The following NAE1 variants were observed in gnomAD, a reference collection of about 807,000 sequenced individuals.
NAE1 encodes NEDD8 activating enzyme E1 subunit 1, also known as NEDD8-activating enzyme E1 regulatory subunit.
A neutral mutation model predicts 88.0 loss-of-function variants in NAE1; 59 were observed. That is an observed-to-expected ratio of 0.67 (90% confidence interval 0.54 to 0.83). The LOEUF (loss-of-function observed/expected upper bound fraction) is 0.83. Among genes scored for constraint, NAE1 ranks in the 40% least tolerant of loss-of-function variants. NAE1 has a pLI of 0.00. For missense variants in NAE1, 554 were observed against 632.8 expected (o/e 0.88, Z 1.34); for synonymous variants, 186 against 208.9 (o/e 0.89, Z 0.95).
chr16:66,807,882 T>C (rs1006334945), intron 17 of NAE1, among the ~76,000 whole-genome samples: 1 of 152,054 alleles, frequency 6.6e-6, no homozygotes, highest in Non-Finnish European at 1.5e-5. Context: ...TCTTCAGAGT[T>C]ATTGAGTTCA....
In NAE1 at chr16:66,823,523, A is replaced by G. The variant is rs746223773; in HGVS notation, c.321+6T>C. On this transcript the variant is annotated splice_donor_region_variant and intron_variant, in intron 5 of 19. Transcript: ENST00000290810. ...CACAGACATAATAATGTGTGTACAT[A>G]TATACCTCTTCCACAAAACTTCCAG... 1.2e-6 allele frequency: 2 copies of G among 1,607,426 alleles called. No individual in the cohort carries two copies. The highest frequency in any genetic ancestry group is 1.1e-5 in the South Asian group (1 of 90,102).
At chr16:66,818,426 G>A (rs184228748) in intron 8 of NAE1, 102 bp downstream of exon 8, 92 of 788,982 alleles carry the variant, frequency 1.2e-4, no homozygotes, top group African/African-American at 2.5e-4. Flanking sequence ...ACAGGAATAT[G>A]GAAGTTTATA....
rs1960478476 is a variant in NAE1 at position 66,826,737 on chromosome 16, CAT to C, written c.95_96del (p.His32ArgfsTer12). The C allele has an allele frequency of 6.2e-7, 1 of 1,614,078 alleles. No homozygotes were observed. ...DHGQEALESAHVCLINATATG... is the reference protein window; with the variant it reads ...DHGQEALESAXVCLINATATG... ...GTGGCTGTTGCATTTATTAGGCAAA[CAT>C]GAGCAGATTCTAAAGCCTCTTGCCC... On this transcript the variant is annotated frameshift_variant, in exon 2 of 20. Transcript: ENST00000290810. LOFTEE classifies it high-confidence loss of function.
At chr16:66,824,296 T>G (rs565979670) in intron 4 of NAE1, among the ~76,000 whole-genome samples, 1 of 152,140 alleles carries the variant, frequency 6.6e-6, no homozygotes, top group Non-Finnish European at 1.5e-5. Flanking sequence ...TAACATGGTT[T>G]TGTAAGATTT....
intron 6 of NAE1, among the ~76,000 whole-genome samples, chr16:66,822,338 A>G (rs780449650): frequency 1.3e-5 from 2 of 152,198 alleles, no homozygotes; most frequent in Non-Finnish European, 2.9e-5. Context: ...TGGGTGGCTG[A>G]GGCAGGCAGA....
rs1597038627 is a variant in NAE1, at chr16:66,809,081, C to T, written c.1151-6G>A. 1.2e-6 allele frequency: 2 copies of T among 1,603,122 alleles called. No homozygotes were observed. The highest frequency in any genetic ancestry group is 2.2e-5 in the South Asian group (2 of 89,918). On this transcript the variant is annotated splice_polypyrimidine_tract_variant and splice_region_variant and intron_variant, in intron 15 of 19. Transcript: ENST00000290810. ...AAGAAATGCAGAATTGCTGCCTGAA[C>T]AGAGGAAAGATATTCTGGAAGTAAT...
chr16:66,816,770 A>T lies in NAE1; in HGVS notation c.749-98T>A, dbSNP rs1960058891. The T allele has an allele frequency of 1.0e-5, 13 of 1,282,074 alleles. No homozygotes were observed. In the South Asian group the frequency reaches 1.8e-4, roughly 18 times the overall value. 79.4% of individuals were successfully genotyped at this position (1,282,074 alleles called of 1,614,324 possible). ...CCTTGTCAGATCCTGCAGAATATTAAATCTTAAGAAGAAATACGGCTTATC... is the reference window on the plus strand; with the variant it reads ...CCTTGTCAGATCCTGCAGAATATTATATCTTAAGAAGAAATACGGCTTATC... On this transcript the variant is annotated intron_variant, in intron 10 of 19. Transcript: ENST00000290810.
In NAE1 at chr16:66,830,927, C is replaced by G. The variant is rs1176720271; in HGVS notation, c.-28G>C. On this transcript the variant is annotated 5_prime_UTR_variant, in exon 1 of 20. Coordinates refer to ENST00000290810, the MANE Select transcript of NAE1 (RefSeq NM_003905.4). ...CCGCGCCTGCCGCGCGGAAAACAGC[C>G]GAGCCCCTGCGGAGCGCCGCCACCA... is the stretch of plus-strand genomic sequence containing the variant. 5 of 1,512,406 alleles carry G rather than the reference C, an allele frequency of 3.3e-6. No homozygotes were observed. Among genetic ancestry groups the G allele is most frequent in the African/African-American group, 1.4e-5 (1 of 69,180 alleles). 93.7% of individuals were successfully genotyped at this position (1,512,406 alleles called of 1,614,324 possible). A position where few individuals can be genotyped will look rare whatever the true frequency, so the allele number is the denominator to read the frequency against.
chr16:66,813,194 G>A (rs1959889207), intron 13 of NAE1: 1 of 167,272 alleles, frequency 6.0e-6, no homozygotes, highest in Admixed American at 6.1e-5. Flanking sequence ...CCAGGCTGAA[G>A]TGAAGTGGCA....
intron 13 of NAE1, among the ~76,000 whole-genome samples, chr16:66,812,825 CTT>C (rs78456292): frequency 2.6e-4 from 31 of 119,732 alleles, no homozygotes; most frequent in Admixed American, 3.4e-4. Context: ...GGCCTAAGTT[CTT>C]TTTTTTTTTT....
rs758313363 is a variant in NAE1 at position 66,813,804 on chromosome 16, T to C, written c.883A>G (p.Ile295Val). ...GTTGTTACCTGTTTGGTGATATTTA[T>C]GCAGCGATCATCATTAAATATATCT... Reference protein sequence around the residue: ...IEDIFNDDRCINITKQTPSFW... With the variant: ...IEDIFNDDRCVNITKQTPSFW... Residue 295 changes from isoleucine to valine, a missense_variant, in exon 12 of 20, where the codon ATA becomes GTA. Coordinates refer to ENST00000290810, the MANE Select transcript of NAE1 (RefSeq NM_003905.4). 6.2e-7 allele frequency: 1 copy of C among 1,613,964 alleles called. No homozygotes were observed. The highest frequency in any genetic ancestry group is 1.7e-5 in the Admixed American group (1 of 60,022).
At chr16:66,817,528 G>A in intron 8 of NAE1, 41 bp from the exon 9 acceptor site, 5 of 1,352,938 alleles carry the variant, frequency 3.7e-6, no homozygotes, top group Non-Finnish European at 5.1e-6. Flanking sequence ...TCAGTATTAT[G>A]AATTCTTCAC....
intron 11 of NAE1, 36 bp from the exon 12 acceptor site, chr16:66,813,882 A>G: frequency 6.4e-7 from 1 of 1,568,926 alleles, no homozygotes; most frequent in South Asian, 1.2e-5. Context: ...CTTACACAGT[A>G]TTAAGAATTC....
At chr16:66,814,387 T>C (rs1010762841) in intron 11 of NAE1, among the ~76,000 whole-genome samples, 1 of 152,030 alleles carries the variant, frequency 6.6e-6, no homozygotes, top group African/African-American at 2.4e-5. Context: ...GCCCAGGAGT[T>C]TGAGACCAAC....
At position 66,830,961 on chromosome 16, in the gene NAE1, A is replaced by G. The variant is rs1014542859; in HGVS notation, c.-62T>C. On this transcript the variant is annotated 5_prime_UTR_variant, in exon 1 of 20. Transcript: ENST00000290810. ...GCGGAGCGCCGCCACCAGCTCCACA[A>G]GCGCGCAGGCGCACTGAGCGCCCCT... 17 of 1,437,808 alleles carry G rather than the reference A, an allele frequency of 1.2e-5. No homozygotes were observed. Among genetic ancestry groups the G allele is most frequent in the African/African-American group, 3.0e-5 (2 of 66,870 alleles). The allele number at this position is 1,437,808 out of a possible 1,614,324, so 89.1% of individuals were successfully genotyped here. A position where few individuals can be genotyped will look rare whatever the true frequency, so the allele number is the denominator to read the frequency against.
chr16:66,828,480 G>T (rs540415927), intron 1 of NAE1, among the ~76,000 whole-genome samples: 61 of 146,592 alleles, frequency 4.2e-4, no homozygotes, highest in Admixed American at 1.4e-3. Context: ...AACACAGTGA[G>T]ACTCCGTCTC....
At chr16:66,813,466 G>T in intron 13 of NAE1, 98 bp downstream of exon 13, 1 of 1,376,406 alleles carries the variant, frequency 7.3e-7, no homozygotes. Context: ...CAATGAGGTT[G>T]TAATAAACTT....
At chr16:66,818,406 A>G in intron 8 of NAE1, 122 bp downstream of exon 8, 1 of 704,540 alleles carries the variant, frequency 1.4e-6, no homozygotes, top group Non-Finnish European at 2.3e-6. Context: ...GTTATTGGGT[A>G]ATCGGGATGA....
rs778240167 is a variant in NAE1 at position 66,830,937 on chromosome 16, C to A, written c.-38G>T. On this transcript the variant is annotated 5_prime_UTR_variant, in exon 1 of 20. Transcript: ENST00000290810. ...CGCGCGGAAAACAGCCGAGCCCCTGCGGAGCGCCGCCACCAGCTCCACAAG... is the reference window on the plus strand; with the variant it reads ...CGCGCGGAAAACAGCCGAGCCCCTGAGGAGCGCCGCCACCAGCTCCACAAG... 1.3e-6 allele frequency: 2 copies of A among 1,494,926 alleles called. No homozygotes were observed. Among genetic ancestry groups the A allele is most frequent in the Non-Finnish European group, 1.8e-6 (2 of 1,129,462 alleles). 92.6% of individuals were successfully genotyped at this position (1,494,926 alleles called of 1,614,324 possible).
Sources: gnomAD v4.1 joint callset for allele counts (sites outside exome capture counted in the v4.1 genomes callset) on GRCh38, gnomAD v4.1.1 for gene constraint, MANE v1.5 for transcripts, NCBI Gene and HGNC (gene_info 2026-07-23, HGNC 2026-07-21) for gene names.